The following SLC12A2 variants were observed in gnomAD, a reference collection of about 807,000 sequenced individuals.
SLC12A2 encodes Na-K-2Cl cotransporter 1.
Under a neutral mutation model 136.3 loss-of-function variants are expected in SLC12A2, and 67 were observed. The ratio of observed to expected loss-of-function variants is 0.49; its 90% confidence interval spans 0.40 to 0.60. The LOEUF is 0.60. Ranked by LOEUF, SLC12A2 falls within the 20% of genes least tolerant of loss-of-function variation. The probability of loss-of-function intolerance (pLI) is 0.00; values close to 1 mark genes in which losing one functional copy is unlikely to be tolerated. For synonymous variants in SLC12A2, 619 were observed against 562.9 expected (o/e 1.10, Z -1.41); for missense variants, 1,322 against 1,534.7 (o/e 0.86, Z 2.32).
At chr5:128,114,378 A>AT in intron 3 of SLC12A2, 91 bp downstream of exon 3, 1 of 984,312 alleles carries the variant, frequency 1.0e-6, no homozygotes, top group Non-Finnish European at 1.6e-6. Context: ...AATTAGAGTC[A>AT]TTTTTAACTA....
intron 15 of SLC12A2, among the ~76,000 whole-genome samples, chr5:128,157,612 G>T (rs536996121): frequency 6.6e-6 from 1 of 152,112 alleles, no homozygotes; most frequent in African/African-American, 2.4e-5. Flanking sequence ...CTCTATGAAA[G>T]AATTATTAAT....
At chr5:128,138,256 C>T (rs1212538246) in intron 7 of SLC12A2, among the ~76,000 whole-genome samples, 1 of 152,132 alleles carries the variant, frequency 6.6e-6, no homozygotes, top group Non-Finnish European at 1.5e-5. Context: ...GTTTTTCTAC[C>T]TCCCTTCTTG....
In SLC12A2 at chr5:128,187,325, A is replaced by C. The variant is rs1189860740; in HGVS notation, c.*694A>C. 1 of 152,024 alleles carries C rather than the reference A, an allele frequency of 6.6e-6. No homozygotes were observed. The highest frequency in any genetic ancestry group is 2.4e-5 in the African/African-American group (1 of 41,406). 9.4% of individuals were successfully genotyped at this position (152,024 alleles called of 1,614,324 possible). A position where few individuals can be genotyped will look rare whatever the true frequency, so the allele number is the denominator to read the frequency against. ...ACCCCTCTGATTGGCTATTATTACT[A>C]TATTTATTATTATTTATTGAAACCT... On this transcript the variant is annotated 3_prime_UTR_variant, in exon 27 of 27. Transcript: ENST00000262461.
At chr5:128,158,281 A>C in intron 16 of SLC12A2, 117 bp downstream of exon 16, 1 of 745,624 alleles carries the variant, frequency 1.3e-6, no homozygotes, top group Non-Finnish European at 2.2e-6. Flanking sequence ...GGTTTGGTGT[A>C]CAGATTGTTT....
chr5:128,122,780 T>G (rs957613957), intron 4 of SLC12A2, among the ~76,000 whole-genome samples: 17 of 152,154 alleles, frequency 1.1e-4, no homozygotes, highest in Middle Eastern at 3.2e-3. Context: ...TTTTGTTTTA[T>G]CCATTGTGTA....
intron 5 of SLC12A2, among the ~76,000 whole-genome samples, chr5:128,133,509 G>T (rs764445045): frequency 6.6e-6 from 1 of 152,026 alleles, no homozygotes; most frequent in Non-Finnish European, 1.5e-5. Flanking sequence ...TTAGTCAATT[G>T]CACAGAATAT....
At chr5:128,162,605 TAAAG>T (rs896397877) in intron 17 of SLC12A2, among the ~76,000 whole-genome samples, 14 of 151,974 alleles carry the variant, frequency 9.2e-5, no homozygotes, top group Admixed American at 2.6e-4. Context: ...TGAAAATAAA[TAAAG>T]GAAGCATAGA....
chr5:128,187,498 T>C lies in SLC12A2; in HGVS notation c.*867T>C, dbSNP rs1201902564. ...AATTTCCCTCAAATCTGAGGGACTT[T>C]TAAGAAATGCTAACAGATTTTTCTG... On this transcript the variant is annotated 3_prime_UTR_variant, in exon 27 of 27. Transcript: ENST00000262461. The C allele has an allele frequency of 2.0e-5, 3 of 152,136 alleles. No individual in the cohort carries two copies. The highest frequency in any genetic ancestry group is 7.2e-5 in the African/African-American group (3 of 41,440). 9.4% of individuals were successfully genotyped at this position (152,136 alleles called of 1,614,324 possible). A position where few individuals can be genotyped will look rare whatever the true frequency, so the allele number is the denominator to read the frequency against.
In SLC12A2 at chr5:128,135,703, C is replaced by G; in HGVS notation, c.1303C>G (p.Gln435Glu). Reference protein sequence around the residue: ...VAGMEWEAKAQIVLLVILLLA... With the variant: ...VAGMEWEAKAEIVLLVILLLA... The stretch of plus-strand genomic sequence containing the variant: ...TTTTTAATGTTTAAAATTGCAGGCT[C>G]AGATTGTTCTTTTGGTGATCCTACT... The change falls in exon 7 of 27, where the codon CAG (glutamine) becomes GAG (glutamate). Residue 435 changes from glutamine (Q) to glutamate (E), a missense_variant. Coordinates refer to ENST00000262461, the MANE Select transcript of SLC12A2 (RefSeq NM_001046.3). 6.3e-7 allele frequency: 1 copy of G among 1,593,234 alleles called. No individual in the cohort carries two copies. The highest frequency in any genetic ancestry group is 8.6e-7 in the Non-Finnish European group (1 of 1,162,150).
At chr5:128,119,065 T>C (rs1427596390) in intron 4 of SLC12A2, among the ~76,000 whole-genome samples, 1 of 152,120 alleles carries the variant, frequency 6.6e-6, no homozygotes, top group East Asian at 1.9e-4. Flanking sequence ...ACTATACTTC[T>C]TGGTGGTACC....
chr5:128,096,530 A>G, intron 1 of SLC12A2, among the ~76,000 whole-genome samples: 1 of 152,034 alleles, frequency 6.6e-6, no homozygotes, highest in Non-Finnish European at 1.5e-5. Flanking sequence ...CTTTTTGTTT[A>G]TTTAATCACC....
chr5:128,096,020 A>G (rs1760525313), intron 1 of SLC12A2, among the ~76,000 whole-genome samples: 1 of 152,110 alleles, frequency 6.6e-6, no homozygotes, highest in African/African-American at 2.4e-5. Context: ...GAATTAAATT[A>G]AGTTGTCAGT....
chr5:128,104,336 C>CTT (rs772310259), intron 1 of SLC12A2, among the ~76,000 whole-genome samples: 10 of 152,060 alleles, frequency 6.6e-5, no homozygotes, highest in Non-Finnish European at 1.0e-4. Context: ...CAATTTCATA[C>CTT]TTAAAACATT....
intron 17 of SLC12A2, among the ~76,000 whole-genome samples, chr5:128,162,142 A>T (rs1303178246): frequency 6.6e-6 from 1 of 152,164 alleles, no homozygotes; most frequent in South Asian, 2.1e-4. Context: ...TGTTTCTTAG[A>T]ACTTGATAAG....
At chr5:128,119,709 C>A (rs1394844088) in intron 4 of SLC12A2, among the ~76,000 whole-genome samples, 3 of 152,074 alleles carry the variant, frequency 2.0e-5, no homozygotes, top group Admixed American at 6.6e-5. Flanking sequence ...AAAATTAATT[C>A]AAGATGATTA....
intron 4 of SLC12A2, among the ~76,000 whole-genome samples, chr5:128,129,288 A>T (rs1433054835): frequency 1.3e-5 from 2 of 152,116 alleles, no homozygotes; most frequent in African/African-American, 4.8e-5. Context: ...ATAAAGGCTG[A>T]TAATTATACT....
chr5:128,147,583 G>A (rs1401594469), intron 10 of SLC12A2, 39 bp from the exon 11 acceptor site: 6 of 1,297,672 alleles, frequency 4.6e-6, no homozygotes, highest in Non-Finnish European at 6.7e-6. Context: ...TGAATTGTTT[G>A]TGAGATTTAT....
At chr5:128,159,712 G>A (rs1335585265) in intron 16 of SLC12A2, among the ~76,000 whole-genome samples, 1 of 152,008 alleles carries the variant, frequency 6.6e-6, no homozygotes, top group African/African-American at 2.4e-5. Flanking sequence ...CCAGTTAGAA[G>A]GGCAATCATT....
Position 128,148,893 on chromosome 5 carries a change from G to T in SLC12A2, c.2005+16G>T. On this transcript the variant is annotated intron_variant, in intron 12 of 26. Coordinates refer to ENST00000262461, the MANE Select transcript of SLC12A2 (RefSeq NM_001046.3). ...ATCTTAATTGGTTAGTTATATAAAT[G>T]GTGTGTTATTGTAGATTTTTGGTGC... 6 of 1,572,818 alleles carry T rather than the reference G, an allele frequency of 3.8e-6. No individual in the cohort carries two copies. Among genetic ancestry groups the T allele is most frequent in the Non-Finnish European group, 5.2e-6 (6 of 1,162,616 alleles).
Sources: gnomAD v4.1 joint callset for allele counts (sites outside exome capture counted in the v4.1 genomes callset) on GRCh38, gnomAD v4.1.1 for gene constraint, MANE v1.5 for transcripts, NCBI Gene and HGNC (gene_info 2026-07-23, HGNC 2026-07-21) for gene names.